The following STXBP5L variants were observed in gnomAD, a reference collection of about 807,000 sequenced individuals.
The protein encoded by STXBP5L is syntaxin-binding protein 5-like.
Under a neutral mutation model 144.5 loss-of-function variants are expected in STXBP5L, and 65 were observed. The observed-to-expected ratio is 0.45, with a 90% CI of 0.37 to 0.55. The LOEUF (loss-of-function observed/expected upper bound fraction) is 0.55. Ranked by LOEUF, STXBP5L falls within the 20% of genes least tolerant of loss-of-function variation. STXBP5L has a pLI of 0.00. For missense variants in STXBP5L, 1,298 were observed against 1,405.5 expected (o/e 0.92, Z 1.22); for synonymous variants, 505 against 469.6 (o/e 1.08, Z -0.97).
At chr3:121,255,534 G>A (rs909538272) in intron 16 of STXBP5L, among the ~76,000 whole-genome samples, 59 of 151,812 alleles carry the variant, frequency 3.9e-4, no homozygotes, top group African/African-American at 1.3e-3. Flanking sequence ...CTAATAAAAT[G>A]TATAGGTTTT....
intron 25 of STXBP5L, 127 bp downstream of exon 25, chr3:121,416,095 TCTTA>T (rs1173472358): frequency 1.5e-6 from 1 of 674,740 alleles, no homozygotes; most frequent in Non-Finnish European, 2.4e-6. Context: ...TTTGCATCTA[TCTTA>T]AAGTTTGAAT....
At position 121,047,128 on chromosome 3, in the gene STXBP5L, C is replaced by G. The variant is rs142037819; in HGVS notation, c.470+1593C>G. 5.2e-3 allele frequency among the ~76,000 whole-genome samples: 784 copies of G among 152,138 alleles called. 11 individuals carry two copies. The highest frequency in any genetic ancestry group is 0.016 in the African/African-American group (673 of 41,524). On this transcript the variant is annotated intron_variant, in intron 5 of 26. Coordinates refer to ENST00000471454, the MANE Select transcript of STXBP5L (RefSeq NM_001308330.2). ...TGTTTACCCAAAAGTCATTCAGGAC[C>G]AGGTTGTTTAATTTCCATCCAATTG...
At chr3:121,298,713 C>T (rs1414735430) in intron 19 of STXBP5L, among the ~76,000 whole-genome samples, 1 of 152,026 alleles carries the variant, frequency 6.6e-6, no homozygotes, top group Non-Finnish European at 1.5e-5. Flanking sequence ...AATAGTCAAA[C>T]TCACAGAAGC....
chr3:121,192,366 G>A (rs1577171429), intron 9 of STXBP5L, among the ~76,000 whole-genome samples: 2 of 152,128 alleles, frequency 1.3e-5, no homozygotes, highest in Non-Finnish European at 2.9e-5. Flanking sequence ...TGGATAGGAA[G>A]AATCAATATC....
chr3:121,000,070 C>T (rs1017831490), intron 3 of STXBP5L, among the ~76,000 whole-genome samples: 1 of 152,152 alleles, frequency 6.6e-6, no homozygotes, highest in Admixed American at 6.6e-5. Flanking sequence ...CTTGGGGAAT[C>T]TGATGACTGT....
intron 18 of STXBP5L, among the ~76,000 whole-genome samples, chr3:121,265,766 A>T (rs1489814305): frequency 6.6e-6 from 1 of 152,128 alleles, no homozygotes; most frequent in East Asian, 1.9e-4. Context: ...TCAAACAGGA[A>T]CAATAAAAAA....
chr3:121,368,353 A>G (rs73183165), intron 20 of STXBP5L, among the ~76,000 whole-genome samples: 5,424 of 151,280 alleles, frequency 0.036, 147 homozygotes, highest in Middle Eastern at 0.082. Flanking sequence ...CTCTTTACTG[A>G]TATTTATATT....
chr3:121,371,542 T>C (rs1156930950), intron 20 of STXBP5L, among the ~76,000 whole-genome samples: 1 of 152,064 alleles, frequency 6.6e-6, no homozygotes, highest in East Asian at 1.9e-4. Flanking sequence ...TCTCATTGGC[T>C]GCAGCAGGGT....
At chr3:121,337,350 G>T (rs1019182235) in intron 20 of STXBP5L, among the ~76,000 whole-genome samples, 22 of 148,264 alleles carry the variant, frequency 1.5e-4, no homozygotes, top group Non-Finnish European at 2.5e-4. Context: ...TAAAGGGGTG[G>T]AAAAAGATAT....
intron 5 of STXBP5L, among the ~76,000 whole-genome samples, chr3:121,092,871 C>CA (rs1469322180): frequency 8.5e-5 from 13 of 152,172 alleles, no homozygotes; most frequent in African/African-American, 3.1e-4. Flanking sequence ...GGAATGCTTC[C>CA]AGTATTTGCC....
chr3:120,989,561 A>C (rs1942631365), intron 3 of STXBP5L, among the ~76,000 whole-genome samples: 1 of 152,128 alleles, frequency 6.6e-6, no homozygotes, highest in African/African-American at 2.4e-5. Context: ...ATAGTTTGCA[A>C]ATATTTGTCC....
chr3:121,132,117 T>G (rs1287486575), intron 7 of STXBP5L, among the ~76,000 whole-genome samples: 1 of 152,156 alleles, frequency 6.6e-6, no homozygotes, highest in Non-Finnish European at 1.5e-5. Flanking sequence ...CACTGACAGC[T>G]CTGAAACAGC....
chr3:120,979,016 G>T (rs1165871102), intron 3 of STXBP5L, among the ~76,000 whole-genome samples: 1 of 152,190 alleles, frequency 6.6e-6, no homozygotes. Flanking sequence ...ACTTGAGGAG[G>T]CAGTCTGCCC....
intron 5 of STXBP5L, among the ~76,000 whole-genome samples, chr3:121,114,413 T>C (rs191274516): frequency 1.4e-3 from 212 of 152,318 alleles, no homozygotes; most frequent in African/African-American, 4.6e-3. Context: ...CTGAAATTTA[T>C]GTTTTGAAGC....
Position 120,908,323 on chromosome 3 carries a change from C to T in STXBP5L, c.-20C>T, listed in dbSNP as rs986860699. ...TCCCGGGCTGGCAGGCGGCTAGAGG[C>T]GTCTGAGGAAGGTGCCTAAGTCCTG... On this transcript the variant is annotated 5_prime_UTR_variant, in exon 1 of 27. Transcript: ENST00000471454. 2.0e-5 allele frequency: 3 copies of T among 152,396 alleles called. No individual in the cohort carries two copies. Among genetic ancestry groups the T allele is most frequent in the Admixed American group, 2.0e-4 (3 of 15,290 alleles). 9.4% of individuals were successfully genotyped at this position (152,396 alleles called of 1,614,324 possible).
intron 5 of STXBP5L, among the ~76,000 whole-genome samples, chr3:121,079,863 C>G (rs2042178089): frequency 1.3e-5 from 2 of 151,934 alleles, no homozygotes; most frequent in African/African-American, 4.8e-5. Flanking sequence ...TAGTTTAAGT[C>G]TATTGTTTCT....
intron 3 of STXBP5L, among the ~76,000 whole-genome samples, chr3:121,013,393 G>A (rs1366825052): frequency 6.6e-6 from 1 of 152,032 alleles, no homozygotes; most frequent in East Asian, 1.9e-4. Context: ...CATTCTGACT[G>A]GTGTGAGATG....
chr3:121,354,134 G>A (rs184138405), intron 20 of STXBP5L, among the ~76,000 whole-genome samples: 92 of 152,318 alleles, frequency 6.0e-4, no homozygotes, highest in Middle Eastern at 3.4e-3. Flanking sequence ...GTGCAATGTG[G>A]TGCTGAGAAA....
intron 3 of STXBP5L, among the ~76,000 whole-genome samples, chr3:121,017,435 C>G (rs1444091017): frequency 6.6e-6 from 1 of 152,178 alleles, no homozygotes; most frequent in Non-Finnish European, 1.5e-5. Flanking sequence ...GAAGTCCTAG[C>G]TGTAATACAG....
Sources: gnomAD v4.1 joint callset for allele counts (sites outside exome capture counted in the v4.1 genomes callset) on GRCh38, gnomAD v4.1.1 for gene constraint, MANE v1.5 for transcripts, NCBI Gene and HGNC (gene_info 2026-07-23, HGNC 2026-07-21) for gene names.